Variants in PARD3B observed in about 807,000 individuals in gnomAD.
The protein encoded by PARD3B is par-3 family cell polarity regulator beta, also known as partitioning defective 3 homolog B.
In PARD3B, 103 loss-of-function variants were observed where a neutral mutation model predicts 130.2. The observed-to-expected ratio is 0.79, with a 90% CI of 0.67 to 0.93. The LOEUF is 0.93. Among genes scored for constraint, PARD3B ranks in the 40% least tolerant of loss-of-function variants. The pLI, the probability that PARD3B is intolerant of heterozygous loss-of-function variation, is 0.00. For missense variants in PARD3B, 1,609 were observed against 1,499.2 expected, an observed-to-expected ratio of 1.07 and a Z score of -1.21; for synonymous variants, 583 against 553.2, an observed-to-expected ratio of 1.05 and a Z score of -0.76.
chr2:205,091,482 G>T lies in PARD3B; in HGVS notation c.505-12944G>T, dbSNP rs1319656157. ...GAATATCCTCCCCACATTCACTCAGGCTTGTTGTTGTTGTTTCTAGCAACC... is the reference window on the plus strand; with the variant it reads ...GAATATCCTCCCCACATTCACTCAGTCTTGTTGTTGTTGTTTCTAGCAACC... On this transcript the variant is annotated intron_variant, in intron 4 of 22. Transcript: ENST00000406610. The surrounding 1 kb of genome is among the most constrained non-coding windows in gnomAD (Gnocchi z 4.2). 1.3e-5 allele frequency among the ~76,000 whole-genome samples: 2 copies of T among 152,048 alleles called. No individual in the cohort carries two copies. The highest frequency in any genetic ancestry group is 2.9e-5 in the Non-Finnish European group (2 of 67,990).
intron 2 of PARD3B, among the ~76,000 whole-genome samples, chr2:204,775,585 T>C (rs2041584505): frequency 6.6e-6 from 1 of 152,124 alleles, no homozygotes; most frequent in Admixed American, 6.6e-5. Context: ...CAAGGAAACC[T>C]CCATGACTTG....
intron 21 of PARD3B, among the ~76,000 whole-genome samples, chr2:205,544,796 A>C (rs560026289): frequency 2.3e-4 from 35 of 152,298 alleles, no homozygotes; most frequent in Non-Finnish European, 5.9e-5. Context: ...TTACTATATT[A>C]ATGAGGTGTT....
At chr2:204,989,869 G>A (rs1055068206) in intron 3 of PARD3B, among the ~76,000 whole-genome samples, 1 of 151,928 alleles carries the variant, frequency 6.6e-6, no homozygotes, top group Non-Finnish European at 1.5e-5. Flanking sequence ...GCTCTTACAT[G>A]CAGCATAACT....
intron 18 of PARD3B, among the ~76,000 whole-genome samples, chr2:205,380,111 TATAC>T (rs1462897502): frequency 7.5e-6 from 1 of 133,926 alleles, no homozygotes; most frequent in Non-Finnish European, 1.5e-5. Context: ...AAATATATAT[TATAC>T]ATAATATATT....
At chr2:205,496,578 G>C (rs995725882) in intron 20 of PARD3B, among the ~76,000 whole-genome samples, 5 of 152,096 alleles carry the variant, frequency 3.3e-5, no homozygotes, top group African/African-American at 9.7e-5. Flanking sequence ...TTTCTTTTCT[G>C]GGTAAATAGC....
intron 2 of PARD3B, among the ~76,000 whole-genome samples, chr2:204,777,735 C>G (rs2041682299): frequency 6.6e-6 from 1 of 152,192 alleles, no homozygotes; most frequent in Non-Finnish European, 1.5e-5. Flanking sequence ...CACCACTGAA[C>G]TCCAGCCTGG....
chr2:204,978,916 A>C (rs113358994), intron 3 of PARD3B, among the ~76,000 whole-genome samples: 2 of 150,362 alleles, frequency 1.3e-5, no homozygotes, highest in African/African-American at 2.5e-5. Context: ...GTGAACAGAG[A>C]TCACACCACT....
intron 18 of PARD3B, among the ~76,000 whole-genome samples, chr2:205,302,217 C>A (rs2042036184): frequency 6.6e-6 from 1 of 151,738 alleles, no homozygotes; most frequent in Non-Finnish European, 1.5e-5. Context: ...TATAGGCATG[C>A]ACCACAACGC....
In PARD3B at chr2:205,064,633, A is replaced by G. The variant is rs192014299; in HGVS notation, c.504+16943A>G. 4.1e-4 allele frequency among the ~76,000 whole-genome samples: 62 copies of G among 152,288 alleles called. No homozygotes were observed. The East Asian group carries it at 9.9e-3, about 24-fold the overall frequency. ...TGTGGAAGACTGCGCAGACATTCCCATAAGTGTATACCCAGAGTCAAGGCC... is the reference window on the plus strand; with the variant it reads ...TGTGGAAGACTGCGCAGACATTCCCGTAAGTGTATACCCAGAGTCAAGGCC... On this transcript the variant is annotated intron_variant, in intron 4 of 22. Transcript: ENST00000406610.
intron 18 of PARD3B, among the ~76,000 whole-genome samples, chr2:205,310,241 C>A (rs374894255): frequency 2.0e-5 from 3 of 151,704 alleles, no homozygotes; most frequent in African/African-American, 7.3e-5. Context: ...CCCACCACCA[C>A]GCCCAGCTAA....
chr2:204,842,323 G>C (rs1337395477), intron 2 of PARD3B, among the ~76,000 whole-genome samples: 1 of 152,094 alleles, frequency 6.6e-6, no homozygotes, highest in East Asian at 1.9e-4. Flanking sequence ...GAGTGGTAGT[G>C]GGAAAAAGAA....
intron 1 of PARD3B, among the ~76,000 whole-genome samples, chr2:204,565,731 GAATA>G (rs1358277392): frequency 6.6e-6 from 1 of 152,074 alleles, no homozygotes; most frequent in Admixed American, 6.6e-5. Context: ...AAAATCTCAA[GAATA>G]AATATCCAGA....
chr2:205,608,598 C>T (rs1677898683), intron 22 of PARD3B, among the ~76,000 whole-genome samples: 1 of 152,140 alleles, frequency 6.6e-6, no homozygotes, highest in Admixed American at 6.5e-5. Context: ...TTGTTCTCAG[C>T]ACCCACTTTA....
chr2:204,570,154 A>G (rs1199022895), intron 1 of PARD3B, among the ~76,000 whole-genome samples: 1 of 152,194 alleles, frequency 6.6e-6, no homozygotes, highest in Admixed American at 6.5e-5. Context: ...GAAGGCTACA[A>G]AGTCACAAAA....
rs2054145049 is a variant in PARD3B at position 205,585,035 on chromosome 2, AC to A, written c.3261-30418del. ...TTGACAGGCACCACTCATTGTGCAC[AC>A]CCGCTGATTATGGGCAGAAAATGGC... On this transcript the variant is annotated intron_variant, in intron 22 of 22. Transcript: ENST00000406610. This position sits in a 1 kb window ranked among gnomAD's most constrained non-coding sequence, Gnocchi z 5.4. Among the ~76,000 whole-genome samples the A allele has an allele frequency of 2.6e-5, 4 of 152,160 alleles. No homozygotes were observed. Among genetic ancestry groups the A allele is most frequent in the Admixed American group, 1.3e-4 (2 of 15,272 alleles).
chr2:205,579,483 C>A (rs570981050), intron 22 of PARD3B, among the ~76,000 whole-genome samples: 17 of 152,186 alleles, frequency 1.1e-4, no homozygotes, highest in Non-Finnish European at 2.1e-4. Context: ...TATGAACCAG[C>A]ACACACCAGA....
chr2:205,502,707 G>A (rs552849138), intron 21 of PARD3B, among the ~76,000 whole-genome samples: 1 of 152,132 alleles, frequency 6.6e-6, no homozygotes, highest in South Asian at 2.1e-4. Context: ...TTCAAAATAG[G>A]CTAGCAAGAA....
intron 2 of PARD3B, among the ~76,000 whole-genome samples, chr2:204,832,019 G>A (rs374802251): frequency 1.8e-4 from 28 of 152,110 alleles, no homozygotes; most frequent in African/African-American, 6.8e-4. Context: ...TCAGGAGATC[G>A]AGAGCATCCT....
intron 19 of PARD3B, among the ~76,000 whole-genome samples, chr2:205,424,539 T>C (rs1338758178): frequency 6.6e-6 from 1 of 152,072 alleles, no homozygotes; most frequent in African/African-American, 2.4e-5. Flanking sequence ...TTTATGTGAG[T>C]CGGCTTTGAG....
Sources: allele counts gnomAD v4.1 joint callset (sites outside exome capture counted in the v4.1 genomes callset), GRCh38; gene constraint gnomAD v4.1.1; non-coding constraint Gnocchi (gnomAD v3.1); transcripts MANE v1.5; gene names NCBI Gene and HGNC (gene_info 2026-07-23, HGNC 2026-07-21).